The following COMMD10 variants were observed in gnomAD, a reference collection of about 807,000 sequenced individuals.
COMMD10 encodes COMM domain-containing protein 10.
Under a neutral mutation model 28.9 loss-of-function variants are expected in COMMD10, and 33 were observed. That is an observed-to-expected ratio of 1.14 (90% CI 0.87 to 1.53). The LOEUF is 1.53. Among genes scored for constraint, COMMD10 ranks in the 40% most tolerant of loss-of-function variants. The probability of loss-of-function intolerance (pLI) is 0.00; values close to 1 mark genes in which losing one functional copy is unlikely to be tolerated. For missense variants in COMMD10, 310 were observed against 233.4 expected, an observed-to-expected ratio of 1.33 and a Z score of -2.14; for synonymous variants, 110 against 81.7, an observed-to-expected ratio of 1.35 and a Z score of -1.87.
chr5:116,136,082 A>G (rs959233939), intron 5 of COMMD10, among the ~76,000 whole-genome samples: 1 of 152,172 alleles, frequency 6.6e-6, no homozygotes, highest in Non-Finnish European at 1.5e-5. Context: ...TGGCTAAAAT[A>G]AAGAAATCAA....
At chr5:116,228,358 A>C (rs1244008074) in intron 5 of COMMD10, among the ~76,000 whole-genome samples, 1 of 152,022 alleles carries the variant, frequency 6.6e-6, no homozygotes, top group Non-Finnish European at 1.5e-5. Context: ...AAGTTCAAAA[A>C]ATAAAATTTT....
intron 5 of COMMD10, among the ~76,000 whole-genome samples, chr5:116,178,665 A>G (rs1250357555): frequency 6.6e-6 from 1 of 152,096 alleles, no homozygotes; most frequent in East Asian, 1.9e-4. Context: ...CAGGAGATAT[A>G]TCATCTCAGG....
At chr5:116,154,982 T>G (rs2112558402) in intron 5 of COMMD10, among the ~76,000 whole-genome samples, 1 of 152,264 alleles carries the variant, frequency 6.6e-6, no homozygotes, top group Non-Finnish European at 1.5e-5. Flanking sequence ...CTATTTTTCT[T>G]TAGCAGTTTT....
chr5:116,269,141 T>A (rs1580599887), intron 5 of COMMD10, among the ~76,000 whole-genome samples: 1 of 151,744 alleles, frequency 6.6e-6, no homozygotes, highest in South Asian at 2.1e-4. Context: ...GAAAAAAAAT[T>A]GGTTTTTACT....
rs115363527 is a variant in COMMD10, at chr5:116,273,417, T to C, written c.511-18100T>C. Among the ~76,000 whole-genome samples the C allele has an allele frequency of 3.0e-3, 452 of 151,940 alleles. 16 individuals are homozygous for C. Among genetic ancestry groups the C allele is most frequent in the African/African-American group, 0.011 (435 of 41,316 alleles). On this transcript the variant is annotated intron_variant, in intron 5 of 6. Coordinates refer to ENST00000274458, the MANE Select transcript of COMMD10 (RefSeq NM_016144.4). ...TTCTGTCATTTTTCCTCATCCAAGATAGAAGATGTCTTCGAAAGCTTTGTA... is the reference window on the plus strand; with the variant it reads ...TTCTGTCATTTTTCCTCATCCAAGACAGAAGATGTCTTCGAAAGCTTTGTA...
At chr5:116,141,168 T>A (rs951956042) in intron 5 of COMMD10, among the ~76,000 whole-genome samples, 1 of 151,810 alleles carries the variant, frequency 6.6e-6, no homozygotes, top group Non-Finnish European at 1.5e-5. Flanking sequence ...CCCAGCACCA[T>A]TTATTAAAGA....
chr5:116,271,527 C>G (rs575422350), intron 5 of COMMD10, among the ~76,000 whole-genome samples: 1 of 151,678 alleles, frequency 6.6e-6, no homozygotes, highest in African/African-American at 2.4e-5. Flanking sequence ...GGTTAACATT[C>G]TAAACCATGA....
intron 4 of COMMD10, among the ~76,000 whole-genome samples, chr5:116,123,437 T>A (rs994212655): frequency 3.3e-5 from 5 of 152,216 alleles, no homozygotes; most frequent in Non-Finnish European, 7.3e-5. Flanking sequence ...TTGTGGTGGA[T>A]AAACTTTTTG....
chr5:116,085,939 C>T (rs1750077043), intron 1 of COMMD10, among the ~76,000 whole-genome samples: 1 of 152,148 alleles, frequency 6.6e-6, no homozygotes, highest in Admixed American at 6.5e-5. Context: ...TTCTTGGCGT[C>T]TTGAACAAAG....
chr5:116,263,168 T>C (rs953759450), intron 5 of COMMD10, among the ~76,000 whole-genome samples: 1 of 151,870 alleles, frequency 6.6e-6, no homozygotes, highest in African/African-American at 2.4e-5. Flanking sequence ...ATATTTTTGC[T>C]GTTGGAGGAC....
intron 4 of COMMD10, among the ~76,000 whole-genome samples, chr5:116,120,105 G>C (rs918891121): frequency 6.6e-6 from 1 of 152,036 alleles, no homozygotes; most frequent in African/African-American, 2.4e-5. Context: ...ACCAACCTAA[G>C]TGCCCATCAA....
At chr5:116,195,454 G>A (rs1186632790) in intron 5 of COMMD10, among the ~76,000 whole-genome samples, 3 of 152,126 alleles carry the variant, frequency 2.0e-5, no homozygotes, top group African/African-American at 7.2e-5. Context: ...AAAGAATTCA[G>A]CAAAGTTTCC....
At chr5:116,183,099 T>C (rs991966077) in intron 5 of COMMD10, among the ~76,000 whole-genome samples, 2 of 152,134 alleles carry the variant, frequency 1.3e-5, no homozygotes, top group Admixed American at 1.3e-4. Flanking sequence ...TATTTCTTCA[T>C]AGCAATGTGA....
At chr5:116,173,434 CTA>C (rs1307395597) in intron 5 of COMMD10, among the ~76,000 whole-genome samples, 1 of 152,014 alleles carries the variant, frequency 6.6e-6, no homozygotes, top group African/African-American at 2.4e-5. Flanking sequence ...ATTTTACTTT[CTA>C]TGTTATTTTG....
intron 4 of COMMD10, among the ~76,000 whole-genome samples, chr5:116,103,806 A>G (rs1353609949): frequency 1.3e-5 from 2 of 152,200 alleles, no homozygotes; most frequent in Admixed American, 6.5e-5. Context: ...TCTTTAATCT[A>G]TCTTGACTTA....
chr5:116,286,321 A>T (rs254173), intron 5 of COMMD10, among the ~76,000 whole-genome samples: 70,903 of 148,552 alleles, frequency 0.48, 18,761 homozygotes, highest in African/African-American at 0.73. Context: ...CTCAATTTCT[A>T]TGAATTTTTA....
At chr5:116,251,955 G>A (rs1328092701) in intron 5 of COMMD10, among the ~76,000 whole-genome samples, 2 of 147,830 alleles carry the variant, frequency 1.4e-5, no homozygotes, top group East Asian at 3.9e-4. Context: ...TCCAGCACCT[G>A]TTGTTTCCTG....
At chr5:116,201,440 T>C (rs1748663371) in intron 5 of COMMD10, among the ~76,000 whole-genome samples, 1 of 152,170 alleles carries the variant, frequency 6.6e-6, no homozygotes, top group Non-Finnish European at 1.5e-5. Context: ...AATTAATTGC[T>C]GTTTAAGTTT....
At position 116,201,571 on chromosome 5, in the gene COMMD10, C is replaced by G. The variant is rs144655661; in HGVS notation, c.510+67393C>G. Reference sequence around the variant, plus strand: ...TGGGGGGCAATGGTTTACCCTATGACTTGACTTCTCTTATGGATCCGAGAA... The same window carrying G: ...TGGGGGGCAATGGTTTACCCTATGAGTTGACTTCTCTTATGGATCCGAGAA... On this transcript the variant is annotated intron_variant, in intron 5 of 6. Transcript: ENST00000274458. Among the ~76,000 whole-genome samples, 739 of 152,280 alleles carry G rather than the reference C, an allele frequency of 4.9e-3. 1 individual carries two copies. Among genetic ancestry groups the G allele is most frequent in the Non-Finnish European group, 6.9e-3 (470 of 68,016 alleles).
Sources: gnomAD v4.1 joint callset for allele counts (sites outside exome capture counted in the v4.1 genomes callset) on GRCh38, gnomAD v4.1.1 for gene constraint, MANE v1.5 for transcripts, NCBI Gene and HGNC (gene_info 2026-07-23, HGNC 2026-07-21) for gene names.